POMGNT1: variants seen among roughly 807,000 people sequenced by gnomAD.
POMGNT1 encodes protein O-linked-mannose beta-1,2-N-acetylglucosaminyltransferase 1.
Under a neutral mutation model 95.6 loss-of-function variants are expected in POMGNT1, and 67 were observed. The observed-to-expected ratio is 0.70, with a 90% CI of 0.58 to 0.86. The LOEUF is 0.86. Ranked by LOEUF, POMGNT1 falls within the 40% of genes least tolerant of loss-of-function variation. The pLI is 0.00. For synonymous variants in POMGNT1, 298 were observed against 317.9 expected (o/e 0.94, Z 0.66); for missense variants, 719 against 855.2 (o/e 0.84, Z 1.99).
chr1:46,193,117 A>G (rs1423761798), intron 13 of POMGNT1, 57 bp downstream of exon 13: 1 of 1,611,894 alleles, frequency 6.2e-7, no homozygotes, highest in East Asian at 2.2e-5. Context: ...ACAGGCCCAG[A>G]CCTTATGCCC....
Position 46,188,760 on chromosome 1 carries a change from G to A in POMGNT1, c.*510C>T. 1 of 1,612,540 alleles carries A rather than the reference G, an allele frequency of 6.2e-7. No individual in the cohort carries two copies. Among genetic ancestry groups the A allele is most frequent in the Middle Eastern group, 1.7e-4 (1 of 6,040 alleles). On this transcript the variant is annotated 3_prime_UTR_variant, in exon 22 of 22. Coordinates refer to ENST00000371984, the MANE Select transcript of POMGNT1 (RefSeq NM_017739.4). Reference sequence around the variant, plus strand: ...ATCTGGACAAAGAGAAGGCTGAGAGGAGGCCTGGTCCAGTGTCTAAGGGTC... The same window carrying A: ...ATCTGGACAAAGAGAAGGCTGAGAGAAGGCCTGGTCCAGTGTCTAAGGGTC...
chr1:46,192,799 A>T, intron 14 of POMGNT1, 101 bp downstream of exon 14: 1 of 1,591,862 alleles, frequency 6.3e-7, no homozygotes, highest in Non-Finnish European at 8.6e-7. Context: ...CTTCGCCCCC[A>T]CTTGTGAGCT....
intron 1 of POMGNT1, 200 bp from the exon 2 acceptor site, chr1:46,198,071 G>A (rs1213267740): frequency 1.4e-5 from 8 of 562,476 alleles, no homozygotes; most frequent in Middle Eastern, 4.8e-4. Flanking sequence ...CCTGAGACTG[G>A]AGTAACTCTC....
upstream of POMGNT1, among the ~76,000 whole-genome samples, chr1:46,200,986 C>G (rs1658516768): frequency 6.6e-6 from 1 of 152,048 alleles, no homozygotes. Context: ...CAAGAATTAG[C>G]TGGGTGTTGT....
chr1:46,194,859 C>T lies in POMGNT1; in HGVS notation c.637G>A (p.Val213Met), dbSNP rs1239939744. ...ATGCCGGCACCTCCTTTTCGTCCCA[C>T]GAAGGCCCATGTGTCCCTCCAGCCC... ...ALGWRDTWAF[V>M]GRKGGPVFGE... The change falls in exon 7 of 22, where the codon GTG (valine) becomes ATG (methionine). Residue 213 changes from valine to methionine, a missense_variant. Val to Met is a conservative substitution (Grantham distance 21). Coordinates refer to ENST00000371984, the MANE Select transcript of POMGNT1 (RefSeq NM_017739.4). The T allele has an allele frequency of 1.5e-5, 24 of 1,614,010 alleles. No individual in the cohort carries two copies. The highest frequency in any genetic ancestry group is 1.9e-5 in the Non-Finnish European group (23 of 1,180,030).
chr1:46,200,021 T>G (rs1658487267), upstream of POMGNT1, among the ~76,000 whole-genome samples: 1 of 151,970 alleles, frequency 6.6e-6, no homozygotes, highest in African/African-American at 2.4e-5. Flanking sequence ...AATACAAAAG[T>G]TAGCTGGGCG....
At chr1:46,197,355 C>T (rs1402006269) in intron 2 of POMGNT1, 1 of 1,482,304 alleles carries the variant, frequency 6.7e-7, no homozygotes, top group East Asian at 2.8e-5. Context: ...TCCTTGGTCC[C>T]CTCCATTGTT....
At chr1:46,219,453 T>A (rs983343460) in intron 1 of POMGNT1, among the ~76,000 whole-genome samples, 4 of 152,160 alleles carry the variant, frequency 2.6e-5, no homozygotes, top group African/African-American at 9.7e-5. Context: ...CCCTGTGAGG[T>A]AAGTGATTTA....
At chr1:46,191,292 A>G (rs11584024) in intron 17 of POMGNT1, 24,910 of 214,808 alleles carry the variant, frequency 0.12, 1,897 homozygotes, top group Middle Eastern at 0.16. Flanking sequence ...GACGCTATTC[A>G]TTCCTTTGGG....
intron 1 of POMGNT1, among the ~76,000 whole-genome samples, chr1:46,217,772 G>C (rs141919145): frequency 6.6e-6 from 1 of 152,228 alleles, no homozygotes; most frequent in South Asian, 2.1e-4. Flanking sequence ...CAAGAGAATC[G>C]CTTGAACCCT....
chr1:46,190,065 G>A, intron 19 of POMGNT1, 76 bp from the exon 20 acceptor site: 1 of 1,500,418 alleles, frequency 6.7e-7, no homozygotes, highest in Non-Finnish European at 9.2e-7. Context: ...CCTGTACTTG[G>A]TTGAATGCTC....
chr1:46,193,139 C>A (rs371209133), intron 13 of POMGNT1, 35 bp downstream of exon 13: 108 of 1,613,754 alleles, frequency 6.7e-5, no homozygotes, highest in South Asian at 2.5e-4. Flanking sequence ...TGTTTCCCCC[C>A]TCCCAGGCCC....
At chr1:46,212,029 C>A (rs918568993) in intron 1 of POMGNT1, among the ~76,000 whole-genome samples, 1 of 151,874 alleles carries the variant, frequency 6.6e-6, no homozygotes, top group East Asian at 1.9e-4. Context: ...CCCAAAGTGC[C>A]GGGATTACAG....
In POMGNT1 at chr1:46,189,475, G is replaced by A. The variant is rs1657570765; in HGVS notation, c.1878C>T (p.Val626=). 1 of 1,613,654 alleles carries A rather than the reference G, an allele frequency of 6.2e-7. No homozygotes were observed. The highest frequency in any genetic ancestry group is 8.5e-7 in the Non-Finnish European group (1 of 1,179,816). The part of the protein sequence containing the change: ...RKKNHFLMVG[V]PASPYSVKKP... ...TCACTCACGAGTAGGGGGAAGCCGG[G>A]ACCCCCACCATCAGGAAGTGGTTCT... The change falls in exon 21 of 22, where the codon GTC becomes GTT. Residue 626 remains valine, a synonymous_variant. Coordinates refer to ENST00000371984, the MANE Select transcript of POMGNT1 (RefSeq NM_017739.4).
In POMGNT1 at chr1:46,196,763, T is replaced by G; in HGVS notation, c.322A>C (p.Ser108Arg). The change falls in exon 4 of 22, where the codon AGC (serine) becomes CGC (arginine). Residue 108 changes from serine to arginine, a missense_variant. This residue lies in a region of POMGNT1 where 466 missense variants were observed against 517.4 expected (regional missense o/e 0.90). Transcript: ENST00000371984. This position sits in a 1 kb window ranked among gnomAD's most constrained non-coding sequence, Gnocchi z 4.4. ...CCATCCACTGCCACATATACTTTGC[T>G]GCGACTTGAATACACCTCTACGTCC... is the stretch of plus-strand genomic sequence containing the variant. ...VLDVEVYSSR[S>R]KVYVAVDGTT... is the part of the protein sequence containing the mutation. 1 of 1,614,194 alleles carries G rather than the reference T, an allele frequency of 6.2e-7. No homozygotes were observed. Among genetic ancestry groups the G allele is most frequent in the Non-Finnish European group, 8.5e-7 (1 of 1,180,036 alleles).
Position 46,210,184 on chromosome 1 carries a change from A to T in POMGNT1, c.-51+9521T>A, listed in dbSNP as rs117979326. On this transcript the variant is annotated intron_variant, in intron 1 of 22. Transcript: ENST00000371992. ...TTTGTTCAATTGAATTAGAGTTGTG[A>T]TATTCTTCCAAAAACACAAATAATT... Among the ~76,000 whole-genome samples, 701 of 152,230 alleles carry T rather than the reference A, an allele frequency of 4.6e-3. 8 individuals carry two copies. The highest frequency in any genetic ancestry group is 0.029 in the East Asian group (149 of 5,186).
At chr1:46,214,273 G>C (rs892575271) in intron 1 of POMGNT1, among the ~76,000 whole-genome samples, 2 of 151,826 alleles carry the variant, frequency 1.3e-5, no homozygotes, top group African/African-American at 4.8e-5. Context: ...TTGAACCTGG[G>C]AGGTAGAGGT....
chr1:46,219,762 G>A lies in POMGNT1; in HGVS notation c.-108C>T, dbSNP rs756450648. On this transcript the variant is annotated 5_prime_UTR_variant, in exon 1 of 23. Transcript: ENST00000371992. ...GCTGGTGACCTTGAATGAGGGCATC[G>A]AGGCAGTGCGCTGGCTGTTGGAGGA... 13 of 1,613,608 alleles carry A rather than the reference G, an allele frequency of 8.1e-6. No homozygotes were observed. Among genetic ancestry groups the A allele is most frequent in the Non-Finnish European group, 1.0e-5 (12 of 1,179,834 alleles).
At position 46,196,908 on chromosome 1, in the gene POMGNT1, T is replaced by A; in HGVS notation, c.236-59A>T. 1 of 1,614,118 alleles carries A rather than the reference T, an allele frequency of 6.2e-7. No homozygotes were observed. The highest frequency in any genetic ancestry group is 8.5e-7 in the Non-Finnish European group (1 of 1,180,018). ...CTCAGCAGAGTCTCACCGCTTAGGGTCTGCCTGCCACTCCAGCTGTGAGAT... is the reference window on the plus strand; with the variant it reads ...CTCAGCAGAGTCTCACCGCTTAGGGACTGCCTGCCACTCCAGCTGTGAGAT... On this transcript the variant is annotated intron_variant, in intron 3 of 21. Coordinates refer to ENST00000371984, the MANE Select transcript of POMGNT1 (RefSeq NM_017739.4). The surrounding 1 kb of genome is among the most constrained non-coding windows in gnomAD (Gnocchi z 4.4).
Sources: allele counts gnomAD v4.1 joint callset (sites outside exome capture counted in the v4.1 genomes callset), GRCh38; gene constraint gnomAD v4.1.1; regional missense constraint gnomAD v4.1.1; non-coding constraint Gnocchi (gnomAD v3.1); transcripts MANE v1.5; gene names NCBI Gene and HGNC (gene_info 2026-07-23, HGNC 2026-07-21).